Variants in ADD3 observed in about 807,000 individuals in gnomAD.
The protein encoded by ADD3 is adducin 3.
A neutral mutation model predicts 80.2 loss-of-function variants in ADD3; 25 were observed. The ratio of observed to expected loss-of-function variants is 0.31; its 90% CI spans 0.23 to 0.44. The LOEUF is 0.44. Among genes scored for constraint, ADD3 ranks in the 20% least tolerant of loss-of-function variants. The pLI, the probability that ADD3 is intolerant of heterozygous loss-of-function variation, is 1.00. For synonymous variants in ADD3, 284 were observed against 289.6 expected, an observed-to-expected ratio of 0.98 and a Z score of 0.20; for missense variants, 829 against 847.5, an observed-to-expected ratio of 0.98 and a Z score of 0.27.
At position 110,008,317 on chromosome 10, in the gene ADD3, G is replaced by C. The variant is rs1564830434; in HGVS notation, c.-30+18G>C. On this transcript the variant is annotated intron_variant, in intron 1 of 14. Coordinates refer to ENST00000356080, the MANE Select transcript of ADD3 (RefSeq NM_016824.5). ...GCTGCGAGGTAATCTTGCGGGGAGA[G>C]GACGCGCCGTCGTCCCGCCTCTCTT... The C allele has an allele frequency of 6.6e-6, 1 of 152,322 alleles. No homozygotes were observed. The highest frequency in any genetic ancestry group is 1.5e-5 in the Non-Finnish European group (1 of 68,118). The allele number at this position is 152,322 out of a possible 1,614,324, so 9.4% of individuals were successfully genotyped here.
At chr10:110,081,018 A>C (rs1421410387) in intron 1 of ADD3, among the ~76,000 whole-genome samples, 1 of 152,194 alleles carries the variant, frequency 6.6e-6, no homozygotes, top group Non-Finnish European at 1.5e-5. Flanking sequence ...AGCTGTTCTA[A>C]AGATAAAATG....
intron 1 of ADD3, among the ~76,000 whole-genome samples, chr10:110,048,798 C>T (rs1857174228): frequency 6.6e-6 from 1 of 152,160 alleles, no homozygotes; most frequent in African/African-American, 2.4e-5. Flanking sequence ...AACTTGCAGC[C>T]TGATGATGTG....
chr10:110,106,938 A>G (rs1849462034), intron 2 of ADD3, among the ~76,000 whole-genome samples: 1 of 152,150 alleles, frequency 6.6e-6, no homozygotes, highest in Non-Finnish European at 1.5e-5. Context: ...GGGATTTCTC[A>G]TTCAAGTAAT....
At chr10:110,027,832 G>A (rs191503075) in intron 1 of ADD3, among the ~76,000 whole-genome samples, 297 of 152,306 alleles carry the variant, frequency 2.0e-3, no homozygotes, top group African/African-American at 7.0e-3. Flanking sequence ...TTAACCATTT[G>A]TGCTTTATGT....
At chr10:110,121,335 T>C (rs1354776124) in intron 8 of ADD3, among the ~76,000 whole-genome samples, 3 of 151,860 alleles carry the variant, frequency 2.0e-5, no homozygotes, top group Non-Finnish European at 1.5e-5. Context: ...AATACAAAAT[T>C]AACAGGGCGT....
chr10:110,038,700 A>G (rs1220442660), intron 1 of ADD3, among the ~76,000 whole-genome samples: 4 of 152,226 alleles, frequency 2.6e-5, no homozygotes, highest in Non-Finnish European at 1.5e-5. Context: ...ATAATTCTCC[A>G]AAGAATTTAC....
rs1853378521 is a variant in ADD3 at position 110,133,824 on chromosome 10, G to A, written c.*206G>A. 2.4e-6 allele frequency: 1 copy of A among 410,858 alleles called. No homozygotes were observed. Among genetic ancestry groups the A allele is most frequent in the African/African-American group, 2.1e-5 (1 of 48,624 alleles). 25.5% of individuals were successfully genotyped at this position (410,858 alleles called of 1,614,324 possible). On this transcript the variant is annotated 3_prime_UTR_variant, in exon 15 of 15. Transcript: ENST00000356080. The stretch of plus-strand genomic sequence containing the variant: ...GTCCAGAAATGGCTTTGAATTTTAA[G>A]CAATTACTAGTTTTAATTAGCTCTG...
At chr10:110,033,602 G>A (rs777140337) in intron 1 of ADD3, among the ~76,000 whole-genome samples, 3 of 152,190 alleles carry the variant, frequency 2.0e-5, no homozygotes, top group Non-Finnish European at 2.9e-5. Flanking sequence ...GGATTTCATA[G>A]AGGGAGCAGT....
In ADD3 at chr10:110,008,859, C is replaced by G. The variant is rs370726575; in HGVS notation, c.-30+560C>G. On this transcript the variant is annotated intron_variant, in intron 1 of 14. Coordinates refer to ENST00000356080, the MANE Select transcript of ADD3 (RefSeq NM_016824.5). ...GCTTCCCCACCCCCCAACACAGACA[C>G]ACACAAACACACCGCCCCTACAAAC... 2.1e-4 allele frequency among the ~76,000 whole-genome samples: 32 copies of G among 152,238 alleles called. No homozygotes were observed. In the East Asian group the frequency reaches 5.4e-3, roughly 26 times the overall value.
intron 1 of ADD3, among the ~76,000 whole-genome samples, chr10:110,088,751 TA>T (rs1045213751): frequency 1.3e-5 from 2 of 152,238 alleles, no homozygotes; most frequent in African/African-American, 4.8e-5. Context: ...GGTTCTTTAA[TA>T]TTTTTTTGTG....
At chr10:110,079,427 T>TA (rs1441645239) in intron 1 of ADD3, 68 of 122,618 alleles carry the variant, frequency 5.5e-4, no homozygotes, top group African/African-American at 2.1e-3. Flanking sequence ...AAAAAAATGA[T>TA]GAGAGAGAGA....
chr10:110,117,293 G>T, intron 4 of ADD3, 49 bp from the exon 5 acceptor site: 2 of 976,124 alleles, frequency 2.0e-6, no homozygotes, highest in Non-Finnish European at 1.6e-6. Context: ...TGTTTCCACT[G>T]CAAAATATGA....
intron 1 of ADD3, among the ~76,000 whole-genome samples, chr10:110,045,040 C>G (rs186458006): frequency 1.3e-5 from 2 of 152,142 alleles, no homozygotes; most frequent in African/African-American, 4.8e-5. Flanking sequence ...AAATACTTTT[C>G]CGAAACACTG....
intron 2 of ADD3, among the ~76,000 whole-genome samples, chr10:110,111,625 CTG>C (rs1334886915): frequency 6.6e-6 from 1 of 152,174 alleles, no homozygotes; most frequent in Non-Finnish European, 1.5e-5. Context: ...CATTAAAAAA[CTG>C]TCATTTAGCC....
chr10:110,105,055 G>A (rs1367815914), intron 2 of ADD3, among the ~76,000 whole-genome samples: 1 of 152,146 alleles, frequency 6.6e-6, no homozygotes, highest in African/African-American at 2.4e-5. Flanking sequence ...ACATTTTGGT[G>A]TAAATGTAAA....
At chr10:110,060,262 C>A (rs547896035) in intron 1 of ADD3, among the ~76,000 whole-genome samples, 3 of 152,224 alleles carry the variant, frequency 2.0e-5, no homozygotes, top group African/African-American at 7.2e-5. Flanking sequence ...AATATATTAA[C>A]GTTTATTCCA....
At chr10:110,034,524 A>C (rs1342846222) in intron 1 of ADD3, among the ~76,000 whole-genome samples, 2 of 152,046 alleles carry the variant, frequency 1.3e-5, no homozygotes, top group African/African-American at 4.8e-5. Flanking sequence ...CAATTAAACT[A>C]GTCTGTAATT....
intron 9 of ADD3, 190 bp from the exon 10 acceptor site, chr10:110,123,827 T>C: frequency 3.4e-6 from 2 of 592,682 alleles, no homozygotes; most frequent in South Asian, 4.2e-5. Flanking sequence ...CAGCTCTAAC[T>C]AGGTCTTGAA....
At chr10:110,112,652 G>A (rs1850196494) in intron 2 of ADD3, 125 bp from the exon 3 acceptor site, 2 of 1,127,042 alleles carry the variant, frequency 1.8e-6, no homozygotes, top group African/African-American at 1.6e-5. Context: ...TTTTATATTT[G>A]TTTTTAAATA....
Sources: gnomAD v4.1 joint callset for allele counts (sites outside exome capture counted in the v4.1 genomes callset) on GRCh38, gnomAD v4.1.1 for gene constraint, MANE v1.5 for transcripts, NCBI Gene and HGNC (gene_info 2026-07-23, HGNC 2026-07-21) for gene names.